ZFYVE16: variants seen among roughly 807,000 people sequenced by gnomAD.
ZFYVE16 encodes zinc finger FYVE domain-containing protein 16.
Under a neutral mutation model 138.1 loss-of-function variants are expected in ZFYVE16, and 89 were observed. The ratio of observed to expected loss-of-function variants is 0.64; its 90% confidence interval spans 0.54 to 0.77. The LOEUF (loss-of-function observed/expected upper bound fraction) is 0.77, where lower values mean the gene tolerates loss of function less well. Among genes scored for constraint, ZFYVE16 ranks in the 30% least tolerant of loss-of-function variants. The pLI is 0.00. For missense variants in ZFYVE16, 1,793 were observed against 1,786.7 expected, an observed-to-expected ratio of 1.00 and a Z score of -0.06; for synonymous variants, 596 against 618.3, an observed-to-expected ratio of 0.96 and a Z score of 0.53.
At chr5:80,414,828 A>C (rs953274296) in intron 1 of ZFYVE16, among the ~76,000 whole-genome samples, 1 of 152,188 alleles carries the variant, frequency 6.6e-6, no homozygotes, top group Non-Finnish European at 1.5e-5. Context: ...CTGGGGTGGG[A>C]AGTTCAGGAA....
chr5:80,445,986 C>T (rs1317396429), intron 7 of ZFYVE16, among the ~76,000 whole-genome samples: 1 of 151,454 alleles, frequency 6.6e-6, no homozygotes. Flanking sequence ...ACTTCTGCCT[C>T]CCGGATTCAA....
intron 1 of ZFYVE16, among the ~76,000 whole-genome samples, chr5:80,408,571 C>T (rs979695110): frequency 1.3e-5 from 2 of 152,216 alleles, no homozygotes; most frequent in Admixed American, 6.5e-5. Flanking sequence ...GGCAGAGGCT[C>T]GGTCCCCGCA....
chr5:80,447,278 A>T (rs1751474899), intron 7 of ZFYVE16, among the ~76,000 whole-genome samples: 1 of 150,698 alleles, frequency 6.6e-6, no homozygotes, highest in Non-Finnish European at 1.5e-5. Flanking sequence ...AAAAAAAAAA[A>T]AAAAAAAAAA....
rs761103101 is a variant in ZFYVE16 at position 80,443,298 on chromosome 5, ACTGTGTCTTAG to A, written c.2581+15_2581+25del. 1.9e-6 allele frequency: 3 copies of A among 1,599,874 alleles called. No individual in the cohort carries two copies. Among genetic ancestry groups the A allele is most frequent in the Non-Finnish European group, 2.5e-6 (3 of 1,176,706 alleles). On this transcript the variant is annotated intron_variant, in intron 6 of 18. Transcript: ENST00000505560. The stretch of plus-strand genomic sequence containing the variant: ...CAGGTGTTGAAGGTAATAGAAGAAA[ACTGTGTCTTAG>A]ACTAAAGATAAATTATTGAAATAGA...
intron 6 of ZFYVE16, among the ~76,000 whole-genome samples, chr5:80,444,284 A>G (rs1009899143): frequency 1.3e-5 from 2 of 152,124 alleles, no homozygotes; most frequent in African/African-American, 4.8e-5. Context: ...GAAAATATGT[A>G]TATATTCTAT....
rs763042402 is a variant in ZFYVE16, at chr5:80,438,653, A to G, written c.1968A>G (p.Pro656=). Residue 656 remains proline (P), a synonymous_variant, in exon 4 of 19, where the codon CCA becomes CCG. Transcript: ENST00000505560. The part of the protein sequence containing the change: ...GARPKQLFSL[P]SRTRSSKDLN... ...GACCTAAGCAATTGTTTAGCCTTCCATCAAGAACAAGGAGTTCAAAGGACC... is the reference window on the plus strand; with the variant it reads ...GACCTAAGCAATTGTTTAGCCTTCCGTCAAGAACAAGGAGTTCAAAGGACC... 11 of 1,613,998 alleles carry G rather than the reference A, an allele frequency of 6.8e-6. No homozygotes were observed. In the Admixed American group the frequency reaches 1.7e-4, roughly 24 times the overall value.
In ZFYVE16 at chr5:80,436,673, T is replaced by G. The variant is rs375052953; in HGVS notation, c.71-83T>G. ...TGTTCTTTTAAAAAAGTGTATTTAG[T>G]TTAGAAGTCTTGGGAAACATAATAT... On this transcript the variant is annotated intron_variant, in intron 3 of 18. Coordinates refer to ENST00000505560, the MANE Select transcript of ZFYVE16 (RefSeq NM_001284236.3). The G allele has an allele frequency of 2.1e-5, 26 of 1,245,112 alleles. 1 individual carries two copies. In the African/African-American group the frequency reaches 3.8e-4, roughly 18 times the overall value. 77.1% of individuals were successfully genotyped at this position (1,245,112 alleles called of 1,614,324 possible).
chr5:80,433,967 A>G, intron 2 of ZFYVE16, 142 bp from the exon 3 acceptor site: 1 of 518,326 alleles, frequency 1.9e-6, no homozygotes, highest in South Asian at 4.5e-5. Context: ...AGTTTCCCCA[A>G]CTAAATTGTA....
At chr5:80,419,411 G>C (rs1044453584) in intron 1 of ZFYVE16, among the ~76,000 whole-genome samples, 5 of 152,006 alleles carry the variant, frequency 3.3e-5, no homozygotes, top group Admixed American at 3.3e-4. Flanking sequence ...ATTGATCTAC[G>C]TGTCTGTTCT....
Position 80,448,243 on chromosome 5 carries a change from C to T in ZFYVE16, c.2942C>T (p.Pro981Leu), listed in dbSNP as rs867200099. The T allele has an allele frequency of 1.2e-6, 2 of 1,613,740 alleles. No individual in the cohort carries two copies. The highest frequency in any genetic ancestry group is 8.5e-7 in the Non-Finnish European group (1 of 1,179,868). The change falls in exon 8 of 19, where the codon CCT becomes CTT. Residue 981 changes from proline (P) to leucine (L), a missense_variant. Transcript: ENST00000505560. ...VFAETEEPSS[P>L]TGVLVNSNLP... is the part of the protein sequence containing the mutation. ...GCAGAAACTGAAGAACCATCTAGTC[C>T]TACTGGTGTCTTAGTTAACAGCAAT...
intron 2 of ZFYVE16, 115 bp from the exon 3 acceptor site, chr5:80,433,994 A>C: frequency 2.9e-6 from 2 of 678,438 alleles, no homozygotes; most frequent in Non-Finnish European, 4.9e-6. Flanking sequence ...TTAAAGCAGC[A>C]CTCTTAAATT....
intron 10 of ZFYVE16, 80 bp downstream of exon 10, chr5:80,450,666 G>C: frequency 2.2e-6 from 3 of 1,370,262 alleles, no homozygotes; most frequent in Non-Finnish European, 3.0e-6. Context: ...GGCTGTGCTA[G>C]CTATACTAAA....
At chr5:80,421,832 G>C (rs1739604709) in intron 1 of ZFYVE16, among the ~76,000 whole-genome samples, 1 of 152,164 alleles carries the variant, frequency 6.6e-6, no homozygotes, top group African/African-American at 2.4e-5. Flanking sequence ...GTTCTGTGAA[G>C]AAAGTCATTG....
intron 5 of ZFYVE16, chr5:80,442,060 T>G (rs75788558): frequency 2.1e-6 from 1 of 472,170 alleles, no homozygotes; most frequent in East Asian, 1.6e-4. Flanking sequence ...TTAAAAAATT[T>G]AAAAAGTGTA....
rs557347375 is a variant in ZFYVE16 at position 80,457,090 on chromosome 5, A to G, written c.3941A>G (p.Lys1314Arg). 23 of 1,611,072 alleles carry G rather than the reference A, an allele frequency of 1.4e-5. No individual in the cohort carries two copies. In the African/African-American group the frequency reaches 2.9e-4, roughly 21 times the overall value. The change falls in exon 14 of 19, where the codon AAA becomes AGA. Residue 1314 changes from lysine to arginine, a missense_variant and splice_region_variant. Transcript: ENST00000505560. ...AACAGTGCCACTGGCCATCCTAGAA[A>G]AGGTGAGCATCTTGGTTCCTAGTGC... ...QANSATGHPR[K>R]VTGASFVVFN...
intron 14 of ZFYVE16, among the ~76,000 whole-genome samples, chr5:80,457,692 T>C (rs941806846): frequency 2.0e-5 from 3 of 152,114 alleles, no homozygotes; most frequent in Non-Finnish European, 4.4e-5. Context: ...ATAAAAGTAA[T>C]ATATACTTAT....
At chr5:80,471,192 T>C (rs1435305499) in intron 15 of ZFYVE16, among the ~76,000 whole-genome samples, 1 of 152,102 alleles carries the variant, frequency 6.6e-6, no homozygotes, top group East Asian at 1.9e-4. Context: ...GCCACGGCTC[T>C]TTTAGGCCTC....
chr5:80,442,641 T>G (rs1750839892), intron 5 of ZFYVE16, among the ~76,000 whole-genome samples: 1 of 152,046 alleles, frequency 6.6e-6, no homozygotes, highest in Non-Finnish European at 1.5e-5. Flanking sequence ...AGAGATGAGG[T>G]CAAACAGGTA....
At chr5:80,445,639 C>A (rs528116281) in intron 7 of ZFYVE16, among the ~76,000 whole-genome samples, 21 of 152,132 alleles carry the variant, frequency 1.4e-4, no homozygotes, top group Middle Eastern at 3.4e-3. Flanking sequence ...CCAGTCACTG[C>A]AGGCTCTAAC....
Sources: gnomAD v4.1 joint callset for allele counts (sites outside exome capture counted in the v4.1 genomes callset) on GRCh38, gnomAD v4.1.1 for gene constraint, MANE v1.5 for transcripts, NCBI Gene and HGNC (gene_info 2026-07-23, HGNC 2026-07-21) for gene names.